UPF2: variants seen among roughly 807,000 people sequenced by gnomAD.
UPF2 encodes regulator of nonsense transcripts 2.
A neutral mutation model predicts 141.4 loss-of-function variants in UPF2; 17 were observed. The observed-to-expected ratio is 0.12, with a 90% CI of 0.08 to 0.18. The LOEUF (loss-of-function observed/expected upper bound fraction) is 0.18. UPF2 is among the 10% of genes least tolerant of loss of function. The pLI is 1.00. For synonymous variants in UPF2, 540 were observed against 498.0 expected, an observed-to-expected ratio of 1.08 and a Z score of -1.12; for missense variants, 1,152 against 1,515.9, an observed-to-expected ratio of 0.76 and a Z score of 3.99.
intron 21 of UPF2, among the ~76,000 whole-genome samples, chr10:11,927,713 T>C (rs1832730168): frequency 6.6e-6 from 1 of 152,238 alleles, no homozygotes; most frequent in Non-Finnish European, 1.5e-5. Flanking sequence ...CTTGGATTTT[T>C]TTTTTAAATT....
intron 10 of UPF2, among the ~76,000 whole-genome samples, chr10:11,966,910 G>C (rs576623172): frequency 1.3e-5 from 2 of 152,312 alleles, no homozygotes; most frequent in South Asian, 2.1e-4. Flanking sequence ...ACATGACAGA[G>C]TAAGATAACT....
chr10:11,942,152 T>G (rs989958964), intron 18 of UPF2, among the ~76,000 whole-genome samples: 3 of 152,132 alleles, frequency 2.0e-5, no homozygotes, highest in African/African-American at 7.2e-5. Context: ...AGCAGGAGGA[T>G]CACCTGAGGT....
intron 9 of UPF2, among the ~76,000 whole-genome samples, chr10:11,972,165 C>A (rs77813905): frequency 0.17 from 25,199 of 151,772 alleles, 2,407 homozygotes; most frequent in South Asian, 0.27. Flanking sequence ...CACTTTCCTA[C>A]AGAAAGAACC....
intron 12 of UPF2, among the ~76,000 whole-genome samples, chr10:11,958,624 T>C (rs972119913): frequency 1.9e-4 from 29 of 152,240 alleles, no homozygotes; most frequent in African/African-American, 7.0e-4. Context: ...AATGTTTTGT[T>C]CAACATATCT....
At chr10:11,937,001 C>A (rs1362731289) in intron 18 of UPF2, among the ~76,000 whole-genome samples, 2 of 152,314 alleles carry the variant, frequency 1.3e-5, no homozygotes, top group East Asian at 3.9e-4. Context: ...GCGGGTTCTA[C>A]CAAATCCCCC....
At chr10:12,041,945 G>A (rs1039226641) in intron 1 of UPF2, among the ~76,000 whole-genome samples, 2 of 152,148 alleles carry the variant, frequency 1.3e-5, no homozygotes, top group African/African-American at 4.8e-5. Context: ...GGACCCAGCT[G>A]GCTCTGCTCT....
Position 12,035,328 on chromosome 10 carries a change from G to T in UPF2, c.96C>A (p.Ser32Arg). The T allele has an allele frequency of 6.2e-7, 1 of 1,613,470 alleles. No homozygotes were observed. The highest frequency in any genetic ancestry group is 8.5e-7 in the Non-Finnish European group (1 of 1,179,938). The part of the protein sequence containing the change: ...EKDCSERRTV[S>R]SKERPKDDIK... ...TATCGTCTTTTGGCCTCTCCTTGCTGCTCACTGTCCGCCTTTCACTGCAGT... is the reference window on the plus strand; with the variant it reads ...TATCGTCTTTTGGCCTCTCCTTGCTTCTCACTGTCCGCCTTTCACTGCAGT... Residue 32 changes from serine (S) to arginine (R), a missense_variant, in exon 2 of 22, where the codon AGC becomes AGA. By Grantham distance (110) the Ser-to-Arg change is moderately radical. Around this residue, in one of 4 missense-constraint regions of UPF2, gnomAD observed 145 missense variants for 136.5 expected, o/e 1.06. Transcript: ENST00000357604.
In UPF2 at chr10:12,014,521, A is replaced by T. The variant is rs920191664; in HGVS notation, c.1146-337T>A. ...TATAGAGTTAACCAAAACTAGCACA[A>T]CTACACAAGCCAATTTTCAAAAGAA... On this transcript the variant is annotated intron_variant, in intron 3 of 21. Transcript: ENST00000357604. The surrounding 1 kb of genome is among the most constrained non-coding windows in gnomAD (Gnocchi z 5.0). 6.6e-6 allele frequency among the ~76,000 whole-genome samples: 1 copy of T among 152,214 alleles called. No homozygotes were observed. Among genetic ancestry groups the T allele is most frequent in the African/African-American group, 2.4e-5 (1 of 41,466 alleles).
chr10:11,967,978 G>A (rs908947412), intron 9 of UPF2, among the ~76,000 whole-genome samples: 3 of 152,114 alleles, frequency 2.0e-5, no homozygotes, highest in South Asian at 2.1e-4. Context: ...TCAGGAGTTC[G>A]AGACTGCCTG....
rs1460889115 is a variant in UPF2, at chr10:12,022,416, A to G, written c.1145+6329T>C. Among the ~76,000 whole-genome samples, 8 of 108,704 alleles carry G rather than the reference A, an allele frequency of 7.4e-5. No individual in the cohort carries two copies. The Admixed American group carries it at 8.1e-4, about 11-fold the overall frequency. The allele number at this position is 108,704 out of a possible 152,430, so 71.3% of individuals were successfully genotyped here. On this transcript the variant is annotated intron_variant, in intron 3 of 21. Coordinates refer to ENST00000357604, the MANE Select transcript of UPF2 (RefSeq NM_015542.4). ...ACAGAGGGAGACTCCGTCTCAAAAAAAAAAAAAAGAAAAAAATTATCTTAG... is the reference window on the plus strand; with the variant it reads ...ACAGAGGGAGACTCCGTCTCAAAAAGAAAAAAAAGAAAAAAATTATCTTAG...
intron 8 of UPF2, among the ~76,000 whole-genome samples, chr10:11,986,620 G>A (rs774554832): frequency 3.9e-5 from 6 of 151,992 alleles, no homozygotes; most frequent in Non-Finnish European, 5.9e-5. Context: ...ACGCTGTTAC[G>A]GTGCAATTAA....
At chr10:11,966,006 T>A (rs1260885957) in intron 10 of UPF2, among the ~76,000 whole-genome samples, 1 of 152,232 alleles carries the variant, frequency 6.6e-6, no homozygotes, top group East Asian at 1.9e-4. Context: ...CTTTACCACA[T>A]ATAATTAATT....
Position 11,953,027 on chromosome 10 carries a change from C to T in UPF2, c.2851-778G>A, listed in dbSNP as rs1057426472. Reference sequence around the variant, plus strand: ...GAAATATATAAAAATCACTAATCATCAACAAGCATTTATTGAATATCTACT... The same window carrying T: ...GAAATATATAAAAATCACTAATCATTAACAAGCATTTATTGAATATCTACT... On this transcript the variant is annotated intron_variant, in intron 14 of 21. Coordinates refer to ENST00000357604, the MANE Select transcript of UPF2 (RefSeq NM_015542.4). This position sits in a 1 kb window ranked among gnomAD's most constrained non-coding sequence, Gnocchi z 5.0. Among the ~76,000 whole-genome samples, 10 of 152,150 alleles carry T rather than the reference C, an allele frequency of 6.6e-5. No individual in the cohort carries two copies. Among genetic ancestry groups the T allele is most frequent in the African/African-American group, 2.4e-4 (10 of 41,432 alleles).
chr10:11,964,964 C>T (rs2131202645), intron 10 of UPF2, among the ~76,000 whole-genome samples: 1 of 152,250 alleles, frequency 6.6e-6, no homozygotes, highest in East Asian at 1.9e-4. Flanking sequence ...GTAATTTATA[C>T]AGTATATATT....
chr10:11,952,277 C>T (rs1436425301), intron 14 of UPF2, 28 bp from the exon 15 acceptor site: 2 of 1,552,244 alleles, frequency 1.3e-6, no homozygotes, highest in Non-Finnish European at 8.7e-7. Context: ...ATAAATTTAG[C>T]TATAAGAAAT....
chr10:12,033,051 A>T (rs1834556128), intron 2 of UPF2, among the ~76,000 whole-genome samples: 1 of 152,158 alleles, frequency 6.6e-6, no homozygotes, highest in Non-Finnish European at 1.5e-5. Flanking sequence ...AACAACTCTG[A>T]GAAGAAAGGT....
intron 4 of UPF2, 109 bp downstream of exon 4, chr10:12,013,915 G>A: frequency 8.6e-7 from 1 of 1,164,416 alleles, no homozygotes; most frequent in East Asian, 2.9e-5. Flanking sequence ...TGAAAATGTT[G>A]ACGCCATTTT....
intron 3 of UPF2, among the ~76,000 whole-genome samples, chr10:12,022,673 TACTACCAATTAATTAATTGGTATTA>T (rs773777516): frequency 7.2e-5 from 11 of 152,248 alleles, no homozygotes; most frequent in East Asian, 1.9e-4. Flanking sequence ...TGTGCTTAAA[TACTACCAATTAATTAATTGGTATTA>T]ACTACCAATT....
Position 11,956,240 on chromosome 10 carries a change from C to T in UPF2, c.2574+80G>A. 3.9e-6 allele frequency: 5 copies of T among 1,291,702 alleles called. No homozygotes were observed. Among genetic ancestry groups the T allele is most frequent in the Non-Finnish European group, 5.5e-6 (5 of 902,322 alleles). 80.0% of individuals were successfully genotyped at this position (1,291,702 alleles called of 1,614,324 possible). On this transcript the variant is annotated intron_variant, in intron 13 of 21. Transcript: ENST00000357604. This position sits in a 1 kb window ranked among gnomAD's most constrained non-coding sequence, Gnocchi z 4.2. ...CTAATAAATTTACAGATTCCTATAA[C>T]TTGAGTCTCAATAGTAACCTAGAAA... is the stretch of plus-strand genomic sequence containing the variant.
Sources: allele counts gnomAD v4.1 joint callset (sites outside exome capture counted in the v4.1 genomes callset), GRCh38; gene constraint gnomAD v4.1.1; regional missense constraint gnomAD v4.1.1; non-coding constraint Gnocchi (gnomAD v3.1); transcripts MANE v1.5; gene names NCBI Gene and HGNC (gene_info 2026-07-23, HGNC 2026-07-21).